TAFA3: variants seen among roughly 807,000 people sequenced by gnomAD.
TAFA3 encodes the protein chemokine-like protein TAFA-3.
A neutral mutation model predicts 20.7 loss-of-function variants in TAFA3; 17 were observed. That is an observed-to-expected ratio of 0.82 (90% confidence interval 0.56 to 1.23). The LOEUF (loss-of-function observed/expected upper bound fraction) is 1.23. Among genes scored for constraint, TAFA3 ranks in the 50% most tolerant of loss-of-function variants. The pLI, the probability that TAFA3 is intolerant of heterozygous loss-of-function variation, is 0.00. For synonymous variants in TAFA3, 74 were observed against 71.8 expected (o/e 1.03, Z -0.16); for missense variants, 174 against 172.8 (o/e 1.01, Z -0.04).
At position 112,722,291 on chromosome 1, in the gene TAFA3, C is replaced by G. The variant is rs1211515609; in HGVS notation, c.58C>G (p.Leu20Val). 6.2e-7 allele frequency: 1 copy of G among 1,614,100 alleles called. No homozygotes were observed. The highest frequency in any genetic ancestry group is 1.1e-5 in the South Asian group (1 of 91,078). The change falls in exon 3 of 6, where the codon CTG (leucine) becomes GTG (valine). Residue 20 changes from leucine to valine, a missense_variant. Physicochemically the swap from Leu to Val is conservative, Grantham distance 32 (BLOSUM62 1). Transcript: ENST00000361886. ...GGGCGGCTGGCTGCTGGCACTGTGC[C>G]TGGCCTGGCTGTGGACCCACCTGAC... is the stretch of plus-strand genomic sequence containing the variant. The part of the protein sequence containing the change: ...STGGWLLALC[L>V]AWLWTHLTLA...
intron 2 of TAFA3, 77 bp from the exon 3 acceptor site, chr1:112,722,156 G>A: frequency 1.4e-6 from 2 of 1,464,950 alleles, no homozygotes; most frequent in Non-Finnish European, 1.9e-6. Flanking sequence ...CCCAGAGTGT[G>A]TGGCACAGAG....
At position 112,719,132 on chromosome 1, in the gene TAFA3, G is replaced by C. The variant is rs961726994; in HGVS notation, c.-227G>C. Among the ~76,000 whole-genome samples, 1 of 152,260 alleles carries C rather than the reference G, an allele frequency of 6.6e-6. No homozygotes were observed. Among genetic ancestry groups the C allele is most frequent in the Non-Finnish European group, 1.5e-5 (1 of 68,038 alleles). On this transcript the variant is annotated 5_prime_UTR_variant, in exon 1 of 6. Coordinates refer to ENST00000361886, the MANE Select transcript of TAFA3 (RefSeq NM_182759.3). ...ATGCCAACCTGACCAGAACCCCGCT[G>C]TCCCGGGGGCGCAGCAACTTGGTGA...
intron 5 of TAFA3, among the ~76,000 whole-genome samples, chr1:112,724,378 C>T (rs970855138): frequency 6.6e-6 from 1 of 151,954 alleles, no homozygotes; most frequent in Non-Finnish European, 1.5e-5. Flanking sequence ...TGGTTTCCTC[C>T]TGTCTGCCTG....
In TAFA3 at chr1:112,723,989, GCACTCCGCCTCCTGCTCC is replaced by G. The variant is rs1465950099; in HGVS notation, c.266-20_266-3del. ...CTGTGCTCGTAGAGACCCTAGAGCT[GCACTCCGCCTCCTGCTCC>G]CACAGCCTCCATCGTCCTGCAGAGA... On this transcript the variant is annotated splice_region_variant and splice_polypyrimidine_tract_variant and intron_variant, in intron 4 of 5. Transcript: ENST00000361886. The G allele has an allele frequency of 6.2e-7, 1 of 1,613,540 alleles. No individual in the cohort carries two copies. Among genetic ancestry groups the G allele is most frequent in the Admixed American group, 1.7e-5 (1 of 60,006 alleles).
At chr1:112,720,550 C>T (rs970251916) in intron 1 of TAFA3, 27 bp from the exon 2 acceptor site, 2 of 152,306 alleles carry the variant, frequency 1.3e-5, no homozygotes, top group Non-Finnish European at 2.9e-5. Flanking sequence ...CTTTGCAACC[C>T]CCTATGAATC....
At chr1:112,726,097 A>G (rs557470316) in intron 5 of TAFA3, among the ~76,000 whole-genome samples, 2 of 152,336 alleles carry the variant, frequency 1.3e-5, no homozygotes, top group African/African-American at 4.8e-5. Context: ...AGATCATGCC[A>G]CTGCACTCCA....
chr1:112,722,460 C>G (rs1281285174), intron 3 of TAFA3, 112 bp downstream of exon 3: 1 of 893,762 alleles, frequency 1.1e-6, no homozygotes, highest in Non-Finnish European at 1.7e-6. Flanking sequence ...GAGTAAAATC[C>G]AGAGATTCTA....
intron 3 of TAFA3, among the ~76,000 whole-genome samples, chr1:112,722,785 G>T (rs1193669471): frequency 6.6e-6 from 1 of 152,148 alleles, no homozygotes; most frequent in Non-Finnish European, 1.5e-5. Flanking sequence ...TCTGCCCAGG[G>T]GCCGTGCTCT....
chr1:112,722,666 G>A (rs1267596182), intron 3 of TAFA3, among the ~76,000 whole-genome samples: 1 of 152,150 alleles, frequency 6.6e-6, no homozygotes, highest in Non-Finnish European at 1.5e-5. Context: ...CTTCTGGGAT[G>A]GCTAAAGCCT....
At chr1:112,726,582 G>C (rs761041887) in intron 5 of TAFA3, 47 bp from the exon 6 acceptor site, 2 of 1,604,864 alleles carry the variant, frequency 1.2e-6, no homozygotes, top group Non-Finnish European at 1.7e-6. Flanking sequence ...TGCTGGAATG[G>C]AATAGGCATT....
At position 112,722,735 on chromosome 1, in the gene TAFA3, G is replaced by A. The variant is rs963768430; in HGVS notation, c.116-281G>A. 3.0e-4 allele frequency among the ~76,000 whole-genome samples: 46 copies of A among 152,216 alleles called. 1 individual carries two copies. The highest frequency in any genetic ancestry group is 1.1e-3 in the African/African-American group (45 of 41,468). On this transcript the variant is annotated intron_variant, in intron 3 of 5. Transcript: ENST00000361886. ...GCCCTGGGGCCCTTGCCCTCACCCT[G>A]AGGAAGCTGGGGAGGCGGGGCTGGT...
chr1:112,724,632 G>T, intron 5 of TAFA3, among the ~76,000 whole-genome samples: 1 of 111,110 alleles, frequency 9.0e-6, no homozygotes, highest in African/African-American at 3.5e-5. Flanking sequence ...TGGGGACTGT[G>T]GTGGGGTGGG....
intron 4 of TAFA3, 135 bp downstream of exon 4, chr1:112,723,300 C>A (rs1675376539): frequency 1.6e-6 from 2 of 1,229,540 alleles, no homozygotes; most frequent in African/African-American, 1.5e-5. Context: ...ATGGTGGGGC[C>A]CCCTCTGGGA....
Position 112,722,325 on chromosome 1 carries a change from C to T in TAFA3, c.92C>T (p.Ala31Val), listed in dbSNP as rs1463480072. The T allele has an allele frequency of 6.2e-7, 1 of 1,613,654 alleles. No homozygotes were observed. Among genetic ancestry groups the T allele is most frequent in the South Asian group, 1.1e-5 (1 of 91,056 alleles). Residue 31 changes from alanine (A) to valine (V), a missense_variant, in exon 3 of 6, where the codon GCC (alanine) becomes GTC (valine). Transcript: ENST00000361886. ...CTGTGGACCCACCTGACCTTGGCTG[C>T]CTTGCAGCCTCCCACTGCCACAGGT... ...AWLWTHLTLA[A>V]LQPPTATVLV...
At position 112,726,760 on chromosome 1, in the gene TAFA3, A is replaced by G; in HGVS notation, c.*120A>G. On this transcript the variant is annotated 3_prime_UTR_variant, in exon 6 of 6. Coordinates refer to ENST00000361886, the MANE Select transcript of TAFA3 (RefSeq NM_182759.3). ...TTACATGCCTCATGTCAAATGCAGC[A>G]TCAGTCTTTCCGGGGCATTTCAGTT... is the stretch of plus-strand genomic sequence containing the variant. 2 of 1,503,484 alleles carry G rather than the reference A, an allele frequency of 1.3e-6. No individual in the cohort carries two copies. The highest frequency in any genetic ancestry group is 1.8e-6 in the Non-Finnish European group (2 of 1,081,952). The allele number at this position is 1,503,484 out of a possible 1,614,324, so 93.1% of individuals were successfully genotyped here.
Position 112,726,237 on chromosome 1 carries a change from G to A in TAFA3, c.391-392G>A, listed in dbSNP as rs150243786. 2.3e-3 allele frequency among the ~76,000 whole-genome samples: 354 copies of A among 152,342 alleles called. 2 individuals are homozygous for A. Among genetic ancestry groups the A allele is most frequent in the African/African-American group, 7.5e-3 (312 of 41,586 alleles). On this transcript the variant is annotated intron_variant, in intron 5 of 5. Coordinates refer to ENST00000361886, the MANE Select transcript of TAFA3 (RefSeq NM_182759.3). ...AGAGCACACAACAAAAGGAGCTACA[G>A]CAAGAAAAAGTTTGGCTCTAAAGTA...
At chr1:112,720,145 G>C (rs1348940565) in intron 1 of TAFA3, among the ~76,000 whole-genome samples, 1 of 152,056 alleles carries the variant, frequency 6.6e-6, no homozygotes, top group Admixed American at 6.5e-5. Context: ...GTGCCATAGT[G>C]GGTAGGAGGT....
At position 112,726,498 on chromosome 1, in the gene TAFA3, C is replaced by T. The variant is rs548782873; in HGVS notation, c.391-131C>T. The T allele has an allele frequency of 5.4e-4, 485 of 893,608 alleles. No individual in the cohort carries two copies. In the African/African-American group the frequency reaches 5.6e-3, roughly 10 times the overall value. 55.4% of individuals were successfully genotyped at this position (893,608 alleles called of 1,614,324 possible). A position where few individuals can be genotyped will look rare whatever the true frequency, so the allele number is the denominator to read the frequency against. ...GTCACCAGGCCATGCTTTCCCATTC[C>T]GGCCTGCTTTAGGGTGAGAGGATTG... On this transcript the variant is annotated intron_variant, in intron 5 of 5. Transcript: ENST00000361886.
chr1:112,722,382 T>A (rs1675351624), intron 3 of TAFA3, 34 bp downstream of exon 3: 2 of 1,582,570 alleles, frequency 1.3e-6, no homozygotes, highest in East Asian at 2.2e-5. Flanking sequence ...GGGGAGGGAG[T>A]TTCCCAGGAC....
Sources: allele counts gnomAD v4.1 joint callset (sites outside exome capture counted in the v4.1 genomes callset), GRCh38; gene constraint gnomAD v4.1.1; transcripts MANE v1.5; gene names NCBI Gene and HGNC (gene_info 2026-07-23, HGNC 2026-07-21).